The following COG7 variants were observed in gnomAD, a reference collection of about 807,000 sequenced individuals.
The protein encoded by COG7 is component of oligomeric golgi complex 7, also known as conserved oligomeric Golgi complex subunit 7.
In COG7, 49 loss-of-function variants were observed where a neutral mutation model predicts 91.5. The ratio of observed to expected loss-of-function variants is 0.54; its 90% CI spans 0.43 to 0.68. The LOEUF is 0.68. COG7 is among the 30% of genes least tolerant of loss of function. COG7 has a pLI of 0.00. For missense variants in COG7, 895 were observed against 961.3 expected, an observed-to-expected ratio of 0.93 and a Z score of 0.91; for synonymous variants, 365 against 388.7, an observed-to-expected ratio of 0.94 and a Z score of 0.72.
intron 13 of COG7, 54 bp downstream of exon 13, chr16:23,403,640 C>G (rs533373680): frequency 6.2e-7 from 1 of 1,602,466 alleles, no homozygotes; most frequent in South Asian, 1.1e-5. Context: ...ACTCAGTATG[C>G]TTGAGTTGGA....
At chr16:23,397,097 C>T (rs886654745) in intron 14 of COG7, among the ~76,000 whole-genome samples, 42 of 152,068 alleles carry the variant, frequency 2.8e-4, no homozygotes, top group African/African-American at 9.9e-4. Flanking sequence ...TTTGTAGAGG[C>T]GGGGTCCCCC....
At chr16:23,418,485 G>A (rs1207341733) in intron 8 of COG7, among the ~76,000 whole-genome samples, 2 of 152,152 alleles carry the variant, frequency 1.3e-5, no homozygotes, top group Admixed American at 6.5e-5. Context: ...CTCCAGCCTG[G>A]GCGACAGATG....
intron 12 of COG7, among the ~76,000 whole-genome samples, chr16:23,404,224 A>C (rs777879274): frequency 2.4e-4 from 37 of 152,254 alleles, no homozygotes; most frequent in Non-Finnish European, 4.6e-4. Flanking sequence ...TATAAATCAG[A>C]GTGATGGACA....
rs1444115658 is a variant in COG7, at chr16:23,398,113, C to T, written c.1820G>A (p.Gly607Asp). ...ISKMDSWNTA[G>D]IGETLTDELP... ...TTCATCTGTGAGGGTTTCTCCGATG[C>T]CAGCCGTATTCCAGCTCTAAGGGTG... Residue 607 changes from glycine to aspartate, a missense_variant, in exon 14 of 17, where the codon GGC becomes GAC. Physicochemically the swap from Gly to Asp is moderately conservative, Grantham distance 94. Coordinates refer to ENST00000307149, the MANE Select transcript of COG7 (RefSeq NM_153603.4). The T allele has an allele frequency of 6.2e-7, 1 of 1,613,986 alleles. No individual in the cohort carries two copies. Among genetic ancestry groups the T allele is most frequent in the Admixed American group, 1.7e-5 (1 of 60,012 alleles).
chr16:23,444,821 C>T (rs1310426283), intron 3 of COG7, among the ~76,000 whole-genome samples: 1 of 151,964 alleles, frequency 6.6e-6, no homozygotes. Flanking sequence ...ACATCTTTAT[C>T]AAGGCTTCTC....
intron 16 of COG7, among the ~76,000 whole-genome samples, chr16:23,390,704 G>A (rs1329914557): frequency 6.6e-6 from 1 of 152,220 alleles, no homozygotes; most frequent in Non-Finnish European, 1.5e-5. Context: ...GCCTCCCAAA[G>A]TGCTGGGATT....
intron 11 of COG7, 133 bp downstream of exon 11, chr16:23,410,162 T>G: frequency 1.4e-6 from 1 of 729,334 alleles, no homozygotes; most frequent in Non-Finnish European, 2.5e-6. Context: ...ACGCTGTATC[T>G]AGGTACAGAC....
At chr16:23,403,170 G>C (rs554567597) in intron 13 of COG7, among the ~76,000 whole-genome samples, 1 of 152,188 alleles carries the variant, frequency 6.6e-6, no homozygotes, top group Admixed American at 6.5e-5. Flanking sequence ...AAGAGAAGAG[G>C]GTGTGAGGAA....
intron 6 of COG7, among the ~76,000 whole-genome samples, chr16:23,429,085 G>A (rs1014488754): frequency 2.6e-5 from 4 of 151,616 alleles, no homozygotes; most frequent in African/African-American, 4.9e-5. Flanking sequence ...AACTTCCCAG[G>A]CTCAGGTGAT....
chr16:23,449,063 C>T (rs972082502), intron 1 of COG7, among the ~76,000 whole-genome samples: 1 of 152,140 alleles, frequency 6.6e-6, no homozygotes, highest in Non-Finnish European at 1.5e-5. Flanking sequence ...TTTAATGCAA[C>T]AACTAAAAAA....
intron 7 of COG7, among the ~76,000 whole-genome samples, chr16:23,422,205 A>G (rs1963769534): frequency 6.6e-6 from 1 of 152,066 alleles, no homozygotes; most frequent in South Asian, 2.1e-4. Context: ...TCAACTACTC[A>G]GGAGACTGAG....
At chr16:23,437,980 G>A (rs1265752328) in intron 4 of COG7, among the ~76,000 whole-genome samples, 1 of 151,472 alleles carries the variant, frequency 6.6e-6, no homozygotes, top group Non-Finnish European at 1.5e-5. Flanking sequence ...AGCTACTCGG[G>A]AAGCTGAGGC....
At chr16:23,407,587 C>T (rs567530031) in intron 11 of COG7, among the ~76,000 whole-genome samples, 16 of 152,336 alleles carry the variant, frequency 1.1e-4, no homozygotes, top group African/African-American at 3.6e-4. Context: ...CAGCCAATGG[C>T]AGAGCTCCCA....
chr16:23,440,088 A>G (rs1964076414), intron 4 of COG7, among the ~76,000 whole-genome samples: 1 of 147,362 alleles, frequency 6.8e-6, no homozygotes, highest in Admixed American at 6.7e-5. Context: ...ATCTATACAA[A>G]AAAAAAAAAA....
intron 14 of COG7, among the ~76,000 whole-genome samples, chr16:23,396,815 A>G (rs564470894): frequency 6.6e-6 from 1 of 152,310 alleles, no homozygotes; most frequent in East Asian, 1.9e-4. Flanking sequence ...TTTAGACTTG[A>G]TACTGCCCCA....
At chr16:23,442,055 G>T (rs541034761) in intron 4 of COG7, 5 of 178,888 alleles carry the variant, frequency 2.8e-5, no homozygotes, top group African/African-American at 4.8e-5. Flanking sequence ...ACTCCTGGCC[G>T]GGCGCGGTGG....
chr16:23,424,522 A>G (rs1963812445), intron 7 of COG7, among the ~76,000 whole-genome samples: 1 of 152,150 alleles, frequency 6.6e-6, no homozygotes, highest in Non-Finnish European at 1.5e-5. Context: ...CAGAGCATGT[A>G]AGGCACCCAG....
chr16:23,432,231 C>T (rs1301691136), intron 6 of COG7, among the ~76,000 whole-genome samples: 2 of 152,130 alleles, frequency 1.3e-5, no homozygotes, highest in Admixed American at 1.3e-4. Context: ...AGTGCTTTAA[C>T]CAACAACTTG....
chr16:23,437,010 C>G (rs1459516556), intron 4 of COG7, among the ~76,000 whole-genome samples: 1 of 152,060 alleles, frequency 6.6e-6, no homozygotes. Context: ...TGGTGCAGAA[C>G]AGTACAAAGG....
Sources: gnomAD v4.1 joint callset for allele counts (sites outside exome capture counted in the v4.1 genomes callset) on GRCh38, gnomAD v4.1.1 for gene constraint, MANE v1.5 for transcripts, NCBI Gene and HGNC (gene_info 2026-07-23, HGNC 2026-07-21) for gene names.